KCTD6: variants seen among roughly 807,000 people sequenced by gnomAD.
KCTD6 encodes the protein potassium channel tetramerization domain containing 6, also known as BTB/POZ domain-containing protein KCTD6.
A neutral mutation model predicts 18.7 loss-of-function variants in KCTD6; 6 were observed. The ratio of observed to expected loss-of-function variants is 0.32; its 90% CI spans 0.18 to 0.63. The LOEUF (loss-of-function observed/expected upper bound fraction) is 0.63. Ranked by LOEUF, KCTD6 falls within the 30% of genes least tolerant of loss-of-function variation. KCTD6 has a pLI of 0.79. For synonymous variants in KCTD6, 86 were observed against 108.5 expected, an observed-to-expected ratio of 0.79 and a Z score of 1.29; for missense variants, 165 against 300.2, an observed-to-expected ratio of 0.55 and a Z score of 3.33.
intron 2 of KCTD6, among the ~76,000 whole-genome samples, chr3:58,499,363 T>C (rs1010602805): frequency 2.0e-5 from 3 of 152,128 alleles, no homozygotes; most frequent in Non-Finnish European, 4.4e-5. Context: ...TACAAAGGGA[T>C]CTAGTGAGTT....
chr3:58,501,718 T>G lies in KCTD6; in HGVS notation c.*86T>G, dbSNP rs2063205643. On this transcript the variant is annotated 3_prime_UTR_variant, in exon 3 of 3. Transcript: ENST00000404589. The surrounding 1 kb of genome is among the most constrained non-coding windows in gnomAD (Gnocchi z 9.7). ...TTTTTTTAAATCACAGTGTGAGATA[T>G]TTTTTTTCTTTTAAATAGTTGTATT... 1.2e-5 allele frequency: 11 copies of G among 923,676 alleles called. No individual in the cohort carries two copies. Among genetic ancestry groups the G allele is most frequent in the Admixed American group, 4.3e-5 (1 of 23,466 alleles). 57.2% of individuals were successfully genotyped at this position (923,676 alleles called of 1,614,324 possible). A position where few individuals can be genotyped will look rare whatever the true frequency, so the allele number is the denominator to read the frequency against.
In KCTD6 at chr3:58,493,018, T is replaced by C. The variant is rs1202729184; in HGVS notation, c.-44+849T>C. Among the ~76,000 whole-genome samples, 7 of 152,330 alleles carry C rather than the reference T, an allele frequency of 4.6e-5. No individual in the cohort carries two copies. The highest frequency in any genetic ancestry group is 3.4e-3 in the Middle Eastern group (1 of 294). On this transcript the variant is annotated intron_variant, in intron 1 of 2. Transcript: ENST00000404589. The surrounding 1 kb of genome is among the most constrained non-coding windows in gnomAD (Gnocchi z 4.5). ...TCGGCTAAGAATATTTGGGGTAGCC[T>C]AAGTATCTCTTCTATATCCCCCTGG...
intron 2 of KCTD6, among the ~76,000 whole-genome samples, chr3:58,499,190 G>C (rs987108905): frequency 2.0e-5 from 3 of 152,094 alleles, no homozygotes; most frequent in Non-Finnish European, 4.4e-5. Flanking sequence ...GGCTGATCTC[G>C]AACTCCTGAC....
chr3:58,501,054 T>C lies in KCTD6; in HGVS notation c.136T>C (p.Phe46Leu), dbSNP rs1484001107. The C allele has an allele frequency of 3.7e-6, 6 of 1,614,084 alleles. No homozygotes were observed. The highest frequency in any genetic ancestry group is 5.1e-6 in the Non-Finnish European group (6 of 1,179,924). ...GCTTGGAGCTATGTTTGGGGGGGAC[T>C]TCCCCACAGCTCGAGACCCTCAAGG... ...SMLGAMFGGD[F>L]PTARDPQGNY... Residue 46 changes from phenylalanine to leucine, a missense_variant, in exon 3 of 3, where the codon TTC becomes CTC. By Grantham distance (22) the Phe-to-Leu change is conservative. Coordinates refer to ENST00000404589, the MANE Select transcript of KCTD6 (RefSeq NM_001128214.2). The surrounding 1 kb of genome is among the most constrained non-coding windows in gnomAD (Gnocchi z 9.7).
Position 58,492,439 on chromosome 3 carries a change from C to T in KCTD6, c.-44+270C>T, listed in dbSNP as rs2107972038. 6.6e-6 allele frequency among the ~76,000 whole-genome samples: 1 copy of T among 151,626 alleles called. No individual in the cohort carries two copies. The highest frequency in any genetic ancestry group is 2.1e-4 in the South Asian group (1 of 4,814). On this transcript the variant is annotated intron_variant, in intron 1 of 2. Transcript: ENST00000404589. The surrounding 1 kb of genome is among the most constrained non-coding windows in gnomAD (Gnocchi z 6.1). ...GTTTCTGCGGGCCCGGGTTCGGAGC[C>T]CCGCGGCGCGCCCCTCGTCCGGGCC...
Position 58,501,143 on chromosome 3 carries a change from A to C in KCTD6, c.225A>C (p.Ser75=), listed in dbSNP as rs761954131. ...ATGTCCTCAACTTCTTAAGAACTTCAGAATTGACCTTACCGTTGGATTTTA... is the reference window on the plus strand; with the variant it reads ...ATGTCCTCAACTTCTTAAGAACTTCCGAATTGACCTTACCGTTGGATTTTA... The part of the protein sequence containing the change: ...FRYVLNFLRT[S]ELTLPLDFKE... The change falls in exon 3 of 3, where the codon TCA becomes TCC. Residue 75 remains serine, a synonymous_variant. Coordinates refer to ENST00000404589, the MANE Select transcript of KCTD6 (RefSeq NM_001128214.2). This position sits in a 1 kb window ranked among gnomAD's most constrained non-coding sequence, Gnocchi z 9.7. 47 of 1,614,122 alleles carry C rather than the reference A, an allele frequency of 2.9e-5. No homozygotes were observed. Among genetic ancestry groups the C allele is most frequent in the Non-Finnish European group, 2.4e-5 (28 of 1,180,004 alleles).
rs1050278761 is a variant in KCTD6, at chr3:58,496,188, G to A, written c.-43-2525G>A. On this transcript the variant is annotated intron_variant, in intron 1 of 2. Transcript: ENST00000404589. This position sits in a 1 kb window ranked among gnomAD's most constrained non-coding sequence, Gnocchi z 5.1. ...CATTATGACTGTTTAGTTAGGCTGA[G>A]TTACTGTAAAATTTGTAAATAAAAC... Among the ~76,000 whole-genome samples, 5 of 152,188 alleles carry A rather than the reference G, an allele frequency of 3.3e-5. No homozygotes were observed. The highest frequency in any genetic ancestry group is 1.2e-4 in the African/African-American group (5 of 41,538).
rs201949188 is a variant in KCTD6 at position 58,501,045 on chromosome 3, G to C, written c.127G>C (p.Gly43Arg). Residue 43 changes from glycine to arginine, a missense_variant, in exon 3 of 3, where the codon GGG becomes CGG. Around this residue, in one of 2 missense-constraint regions of KCTD6, gnomAD observed 59 missense variants for 69.9 expected, o/e 0.84. Transcript: ENST00000404589. This position sits in a 1 kb window ranked among gnomAD's most constrained non-coding sequence, Gnocchi z 9.7. ...GGATTCCATGCTTGGAGCTATGTTT[G>C]GGGGGGACTTCCCCACAGCTCGAGA... is the stretch of plus-strand genomic sequence containing the variant. Reference protein sequence around the residue: ...YPDSMLGAMFGGDFPTARDPQ... With the variant: ...YPDSMLGAMFRGDFPTARDPQ... 12 of 1,613,486 alleles carry C rather than the reference G, an allele frequency of 7.4e-6. No individual in the cohort carries two copies. The South Asian group carries it at 8.8e-5, about 12-fold the overall frequency.
At position 58,502,221 on chromosome 3, in the gene KCTD6, A is replaced by G. The variant is rs2063207971; in HGVS notation, c.*589A>G. On this transcript the variant is annotated 3_prime_UTR_variant, in exon 3 of 3. Coordinates refer to ENST00000404589, the MANE Select transcript of KCTD6 (RefSeq NM_001128214.2). ...TAGCCATGGAAATGTCTGACTAGAA[A>G]TATTTATATTGAATTCTGAATACAA... 6.5e-6 allele frequency: 1 copy of G among 152,740 alleles called. No individual in the cohort carries two copies. Among genetic ancestry groups the G allele is most frequent in the East Asian group, 1.9e-4 (1 of 5,190 alleles). 9.5% of individuals were successfully genotyped at this position (152,740 alleles called of 1,614,324 possible).
rs979004213 is a variant in KCTD6, at chr3:58,493,281, T to C, written c.-44+1112T>C. The stretch of plus-strand genomic sequence containing the variant: ...CTGATACTTGATTTTGTGCTATGCC[T>C]TAGATATGAACGATGGAGTGGTCAG... On this transcript the variant is annotated intron_variant, in intron 1 of 2. Transcript: ENST00000404589. This position sits in a 1 kb window ranked among gnomAD's most constrained non-coding sequence, Gnocchi z 4.5. 6.6e-6 allele frequency among the ~76,000 whole-genome samples: 1 copy of C among 152,236 alleles called. No individual in the cohort carries two copies. Among genetic ancestry groups the C allele is most frequent in the Non-Finnish European group, 1.5e-5 (1 of 68,046 alleles).
intron 1 of KCTD6, chr3:58,494,188 T>A (rs1437854345): frequency 2.6e-5 from 4 of 152,248 alleles, no homozygotes; most frequent in African/African-American, 9.6e-5. Flanking sequence ...AGAAAATGAT[T>A]ACTTGTAGAG....
Position 58,498,729 on chromosome 3 carries a change from G to A in KCTD6, c.-27G>A. On this transcript the variant is annotated 5_prime_UTR_variant, in exon 2 of 3. Transcript: ENST00000404589. The surrounding 1 kb of genome is among the most constrained non-coding windows in gnomAD (Gnocchi z 4.6). ...CTCTTGAAGTTTCCCTGAAACCTGG[G>A]CTCTTGAAGACGCATCACTGGAGCA... 6.2e-7 allele frequency: 1 copy of A among 1,602,546 alleles called. No homozygotes were observed. Among genetic ancestry groups the A allele is most frequent in the Non-Finnish European group, 8.5e-7 (1 of 1,170,696 alleles).
Position 58,498,613 on chromosome 3 carries a change from T to G in KCTD6, c.-43-100T>G. 1.4e-6 allele frequency: 1 copy of G among 716,632 alleles called. No homozygotes were observed. 44.4% of individuals were successfully genotyped at this position (716,632 alleles called of 1,614,324 possible). A position where few individuals can be genotyped will look rare whatever the true frequency, so the allele number is the denominator to read the frequency against. ...TTTCAGCTGAGCAAGGACGAGTAGT[T>G]TTTCTGGTGTTTGGCCTCCTCTGTT... is the stretch of plus-strand genomic sequence containing the variant. On this transcript the variant is annotated intron_variant, in intron 1 of 2. Transcript: ENST00000404589. The surrounding 1 kb of genome is among the most constrained non-coding windows in gnomAD (Gnocchi z 4.6).
chr3:58,493,216 T>G lies in KCTD6; in HGVS notation c.-44+1047T>G, dbSNP rs1266211427. Among the ~76,000 whole-genome samples, 1 of 152,222 alleles carries G rather than the reference T, an allele frequency of 6.6e-6. No individual in the cohort carries two copies. Among genetic ancestry groups the G allele is most frequent in the Non-Finnish European group, 1.5e-5 (1 of 68,044 alleles). ...TGTGTTTGTCAGCAGGGTTGGTAGG[T>G]TGAGAGTATTTTCTCTTTGGCCGAA... On this transcript the variant is annotated intron_variant, in intron 1 of 2. Transcript: ENST00000404589. This position sits in a 1 kb window ranked among gnomAD's most constrained non-coding sequence, Gnocchi z 4.5.
rs2063161774 is a variant in KCTD6 at position 58,493,064 on chromosome 3, C to T, written c.-44+895C>T. Among the ~76,000 whole-genome samples, 1 of 152,070 alleles carries T rather than the reference C, an allele frequency of 6.6e-6. No homozygotes were observed. Among genetic ancestry groups the T allele is most frequent in the African/African-American group, 2.4e-5 (1 of 41,406 alleles). On this transcript the variant is annotated intron_variant, in intron 1 of 2. Coordinates refer to ENST00000404589, the MANE Select transcript of KCTD6 (RefSeq NM_001128214.2). This position sits in a 1 kb window ranked among gnomAD's most constrained non-coding sequence, Gnocchi z 4.5. ...CCTGGCATGTTCTTTTTTTCGCTGT[C>T]ACAAATGCCCTATTACTTGAATCAT...
Position 58,501,695 on chromosome 3 carries a change from T to A in KCTD6, c.*63T>A. On this transcript the variant is annotated 3_prime_UTR_variant, in exon 3 of 3. Coordinates refer to ENST00000404589, the MANE Select transcript of KCTD6 (RefSeq NM_001128214.2). The surrounding 1 kb of genome is among the most constrained non-coding windows in gnomAD (Gnocchi z 9.7). Reference sequence around the variant, plus strand: ...AGGAAATGGAAGATACTGATTTTTTTTTTTAAATCACAGTGTGAGATATTT... The same window carrying A: ...AGGAAATGGAAGATACTGATTTTTTATTTTAAATCACAGTGTGAGATATTT... 1 of 1,115,674 alleles carries A rather than the reference T, an allele frequency of 9.0e-7. No homozygotes were observed. The allele number at this position is 1,115,674 out of a possible 1,614,324, so 69.1% of individuals were successfully genotyped here.
In KCTD6 at chr3:58,502,341, A is replaced by T. The variant is rs951966189; in HGVS notation, c.*709A>T. 3.3e-5 allele frequency: 5 copies of T among 152,564 alleles called. No homozygotes were observed. The highest frequency in any genetic ancestry group is 3.3e-4 in the Admixed American group (5 of 15,284). The allele number at this position is 152,564 out of a possible 1,614,324, so 9.5% of individuals were successfully genotyped here. A position where few individuals can be genotyped will look rare whatever the true frequency, so the allele number is the denominator to read the frequency against. On this transcript the variant is annotated 3_prime_UTR_variant, in exon 3 of 3. Transcript: ENST00000404589. ...AGAAAAAAAAAACAAAACTAATAAAAAATGAAATATGAAAATTAAGTTTGT... is the reference window on the plus strand; with the variant it reads ...AGAAAAAAAAAACAAAACTAATAAATAATGAAATATGAAAATTAAGTTTGT...
At position 58,493,344 on chromosome 3, in the gene KCTD6, A is replaced by C. The variant is rs566988928; in HGVS notation, c.-44+1175A>C. Among the ~76,000 whole-genome samples, 11 of 152,328 alleles carry C rather than the reference A, an allele frequency of 7.2e-5. No individual in the cohort carries two copies. The South Asian group carries it at 2.1e-3, about 29-fold the overall frequency. On this transcript the variant is annotated intron_variant, in intron 1 of 2. Transcript: ENST00000404589. This position sits in a 1 kb window ranked among gnomAD's most constrained non-coding sequence, Gnocchi z 4.5. ...TGCCATTCCAAAGTTTTGTGATTTG[A>C]ATTTTCATAAATCATATTTTAACCA...
At chr3:58,499,946 A>G (rs1387784697) in intron 2 of KCTD6, among the ~76,000 whole-genome samples, 2 of 152,148 alleles carry the variant, frequency 1.3e-5, no homozygotes, top group Non-Finnish European at 2.9e-5. Context: ...ACAAAAGTGA[A>G]TACACTATCA....
Sources: gnomAD v4.1 joint callset for allele counts (sites outside exome capture counted in the v4.1 genomes callset) on GRCh38, gnomAD v4.1.1 for gene constraint, gnomAD v4.1.1 regional missense constraint, Gnocchi (gnomAD v3.1) non-coding constraint, MANE v1.5 for transcripts, NCBI Gene and HGNC (gene_info 2026-07-23, HGNC 2026-07-21) for gene names.